Variants in OPA3 observed in about 807,000 individuals in gnomAD.
The protein encoded by OPA3 is outer mitochondrial membrane lipid metabolism regulator OPA3.
Under a neutral mutation model 4.0 loss-of-function variants are expected in OPA3, and 6 were observed. The observed-to-expected ratio is 1.51, with a 90% confidence interval of 0.83 to 2.99. The LOEUF (loss-of-function observed/expected upper bound fraction) is 2.99, where lower values mean the gene tolerates loss of function less well. Ranked by LOEUF, OPA3 falls within the 30% of genes most tolerant of loss-of-function variation. The probability of loss-of-function intolerance (pLI) is 0.00; values close to 1 mark genes in which losing one functional copy is unlikely to be tolerated. For synonymous variants in OPA3, 105 were observed against 117.1 expected, an observed-to-expected ratio of 0.90 and a Z score of 0.67; for missense variants, 235 against 256.2, an observed-to-expected ratio of 0.92 and a Z score of 0.56.
intron 1 of OPA3, among the ~76,000 whole-genome samples, chr19:45,575,796 A>T (rs539290510): frequency 6.6e-6 from 1 of 151,836 alleles, no homozygotes; most frequent in East Asian, 2.0e-4. Context: ...AGTAGGGACA[A>T]GGTCTCGCTT....
intron 1 of OPA3, among the ~76,000 whole-genome samples, chr19:45,562,885 T>C (rs1261601577): frequency 6.6e-6 from 1 of 152,148 alleles, no homozygotes; most frequent in Non-Finnish European, 1.5e-5. Flanking sequence ...CCGGAGACTC[T>C]GGGTGAAAGG....
At chr19:45,555,876 G>T (rs1363651864) in intron 1 of OPA3, among the ~76,000 whole-genome samples, 1 of 151,580 alleles carries the variant, frequency 6.6e-6, no homozygotes, top group Non-Finnish European at 1.5e-5. Context: ...AAGTGATCTG[G>T]CTGCCTCGGC....
chr19:45,552,988 T>C lies in OPA3; in HGVS notation c.*526A>G, dbSNP rs1246117857. 2.0e-6 allele frequency: 2 copies of C among 992,688 alleles called. No homozygotes were observed. The highest frequency in any genetic ancestry group is 2.4e-6 in the Non-Finnish European group (2 of 834,578). The allele number at this position is 992,688 out of a possible 1,614,324, so 61.5% of individuals were successfully genotyped here. A position where few individuals can be genotyped will look rare whatever the true frequency, so the allele number is the denominator to read the frequency against. ...ACCGCTCCCAGCCGCACCGTTTTTT[T>C]CCTCCTTAAGAGAGCACTGATGCTC... On this transcript the variant is annotated 3_prime_UTR_variant, in exon 2 of 2. Transcript: ENST00000263275.
chr19:45,544,280 G>A (rs999537491), downstream of OPA3, among the ~76,000 whole-genome samples: 3 of 152,238 alleles, frequency 2.0e-5, no homozygotes, highest in East Asian at 3.9e-4. Flanking sequence ...GCCACCACGC[G>A]GAGGAAACAA....
At chr19:45,564,297 AG>A (rs11327143) in intron 1 of OPA3, among the ~76,000 whole-genome samples, 106,720 of 151,470 alleles carry the variant, frequency 0.7, 38,040 homozygotes, top group East Asian at 0.87. Flanking sequence ...GCACCCTGGA[AG>A]GGGGGCAGGT....
intron 1 of OPA3, among the ~76,000 whole-genome samples, chr19:45,572,801 C>CATACTATATATATAGATATATATATT (rs1969706288): frequency 8.9e-6 from 1 of 112,278 alleles, no homozygotes; most frequent in African/African-American, 3.6e-5. Context: ...ATATATATAT[C>CATACTATATATATAGATATATATATT]ATACTATATA....
chr19:45,531,578 C>T (rs938831409), intron 1 of OPA3, among the ~76,000 whole-genome samples: 3 of 152,162 alleles, frequency 2.0e-5, no homozygotes, highest in Admixed American at 6.6e-5. Context: ...TCTAGTTTTC[C>T]TGGAGTATAT....
At position 45,547,757 on chromosome 19, in the gene OPA3, G is replaced by A. The variant is rs1439927941; in HGVS notation, c.*5757C>T. ...TTGTTGCCCAGGCTGGAGTGCAATG[G>A]TGCAATATTGGCTCACCGCAACCTC... On this transcript the variant is annotated 3_prime_UTR_variant, in exon 2 of 2. Transcript: ENST00000263275. The A allele has an allele frequency of 6.6e-6, 1 of 152,568 alleles. No individual in the cohort carries two copies. The highest frequency in any genetic ancestry group is 1.5e-5 in the Non-Finnish European group (1 of 68,456). The allele number at this position is 152,568 out of a possible 1,614,324, so 9.5% of individuals were successfully genotyped here. A position where few individuals can be genotyped will look rare whatever the true frequency, so the allele number is the denominator to read the frequency against.
intron 1 of OPA3, among the ~76,000 whole-genome samples, chr19:45,565,349 G>A (rs1351820694): frequency 6.6e-6 from 1 of 152,012 alleles, no homozygotes; most frequent in Admixed American, 6.6e-5. Context: ...ATGTCTAGTG[G>A]CTGGGCGTGG....
intron 1 of OPA3, among the ~76,000 whole-genome samples, chr19:45,533,942 G>T (rs566299985): frequency 6.6e-6 from 1 of 152,350 alleles, no homozygotes; most frequent in East Asian, 1.9e-4. Context: ...TCTAGTATCA[G>T]TTTGTCAGTT....
At chr19:45,573,123 C>A (rs6509224) in intron 1 of OPA3, among the ~76,000 whole-genome samples, 101,536 of 151,684 alleles carry the variant, frequency 0.67, 34,745 homozygotes, top group African/African-American at 0.82. Flanking sequence ...TGCCTTCAGA[C>A]GGAGGTTTTT....
chr19:45,570,045 G>C (rs1438828758), intron 1 of OPA3, among the ~76,000 whole-genome samples: 1 of 152,170 alleles, frequency 6.6e-6, no homozygotes, highest in Admixed American at 6.5e-5. Context: ...GATGGCCTCT[G>C]GTGCTTTCTC....
intron 1 of OPA3, among the ~76,000 whole-genome samples, chr19:45,561,394 G>A (rs1022704392): frequency 6.6e-6 from 1 of 152,094 alleles, no homozygotes; most frequent in African/African-American, 2.4e-5. Context: ...GAACACGCCT[G>A]CATACGATGG....
chr19:45,540,492 T>C (rs1353337396), intron 1 of OPA3, among the ~76,000 whole-genome samples: 8 of 146,848 alleles, frequency 5.4e-5, no homozygotes, highest in Non-Finnish European at 9.0e-5. Flanking sequence ...GCCTGGGAGG[T>C]TGAGGCTGCA....
At chr19:45,558,288 C>T (rs991882881) in intron 1 of OPA3, among the ~76,000 whole-genome samples, 8 of 151,980 alleles carry the variant, frequency 5.3e-5, no homozygotes, top group African/African-American at 9.7e-5. Context: ...GCCAAGACCA[C>T]GCCACTGCAC....
intron 1 of OPA3, among the ~76,000 whole-genome samples, chr19:45,574,573 A>G (rs977169646): frequency 1.1e-4 from 16 of 152,164 alleles, no homozygotes; most frequent in South Asian, 2.1e-4. Context: ...AAATATGGAA[A>G]TGGAGGCTCA....
Position 45,550,930 on chromosome 19 carries a change from G to T in OPA3, c.*2584C>A, listed in dbSNP as rs950152354. The stretch of plus-strand genomic sequence containing the variant: ...GACTGTTCCTCTCAGCTAGCAGGAA[G>T]GCCAAATGGCCCGCGGGGTTGGCAG... On this transcript the variant is annotated 3_prime_UTR_variant, in exon 2 of 2. Coordinates refer to ENST00000263275, the MANE Select transcript of OPA3 (RefSeq NM_025136.4). The T allele has an allele frequency of 9.1e-6, 9 of 985,606 alleles. No individual in the cohort carries two copies. The highest frequency in any genetic ancestry group is 1.1e-5 in the Non-Finnish European group (9 of 830,010). 61.1% of individuals were successfully genotyped at this position (985,606 alleles called of 1,614,324 possible).
intron 1 of OPA3, among the ~76,000 whole-genome samples, chr19:45,572,341 C>CATATATATCGACATATATGAG: frequency 7.7e-6 from 1 of 129,756 alleles, no homozygotes; most frequent in African/African-American, 2.8e-5. Context: ...ATATATATCT[C>CATATATATCGACATATATGAG]ATATATATCG....
intron 1 of OPA3, among the ~76,000 whole-genome samples, chr19:45,559,122 G>A (rs4643448): frequency 0.052 from 7,853 of 152,132 alleles, 671 homozygotes; most frequent in African/African-American, 0.18. Flanking sequence ...GACCTCAAGT[G>A]ATCCATTCAC....
Sources: gnomAD v4.1 joint callset for allele counts (sites outside exome capture counted in the v4.1 genomes callset) on GRCh38, gnomAD v4.1.1 for gene constraint, MANE v1.5 for transcripts, NCBI Gene and HGNC (gene_info 2026-07-23, HGNC 2026-07-21) for gene names.